The following TLNRD1 variants were observed in gnomAD, a reference collection of about 807,000 sequenced individuals.
TLNRD1 encodes the protein talin rod domain containing 1.
A neutral mutation model predicts 19.5 loss-of-function variants in TLNRD1; 14 were observed. The ratio of observed to expected loss-of-function variants is 0.72; its 90% CI spans 0.47 to 1.12. The LOEUF is 1.12. TLNRD1 is among the 50% of genes most tolerant of loss of function. TLNRD1 has a pLI of 0.00. For synonymous variants in TLNRD1, 345 were observed against 261.7 expected (o/e 1.32, Z -3.07); for missense variants, 569 against 531.9 (o/e 1.07, Z -0.69).
In TLNRD1 at chr15:81,002,365, A is replaced by T. The variant is rs2141826748; in HGVS notation, c.94A>T (p.Arg32Trp). 1.4e-6 allele frequency: 2 copies of T among 1,469,200 alleles called. No homozygotes were observed. The highest frequency in any genetic ancestry group is 1.8e-6 in the Non-Finnish European group (2 of 1,109,202). The allele number at this position is 1,469,200 out of a possible 1,614,324, so 91.0% of individuals were successfully genotyped here. A position where few individuals can be genotyped will look rare whatever the true frequency, so the allele number is the denominator to read the frequency against. ...IGGASSQPRK[R>W]LVSVCDHCKG... is the part of the protein sequence containing the mutation. ...CGGGGCCAGCTCGCAGCCGCGGAAGAGGCTGGTATCCGTCTGCGACCACTG... is the reference window on the plus strand; with the variant it reads ...CGGGGCCAGCTCGCAGCCGCGGAAGTGGCTGGTATCCGTCTGCGACCACTG... The change falls in exon 1 of 1, where the codon AGG becomes TGG. Residue 32 changes from arginine (R) to tryptophan (W), a missense_variant. By Grantham distance (101) the Arg-to-Trp change is moderately radical (BLOSUM62 -3). Coordinates refer to ENST00000267984, the MANE Select transcript of TLNRD1 (RefSeq NM_022566.3).
rs780453448 is a variant in TLNRD1, at chr15:81,004,068, T to C, written c.*708T>C. The C allele has an allele frequency of 1.2e-5, 2 of 167,058 alleles. No homozygotes were observed. The highest frequency in any genetic ancestry group is 6.5e-5 in the Admixed American group (1 of 15,286). The allele number at this position is 167,058 out of a possible 1,614,324, so 10.3% of individuals were successfully genotyped here. On this transcript the variant is annotated 3_prime_UTR_variant, in exon 1 of 1. Transcript: ENST00000267984. ...AATTTTGCATGCTGCATGTCATGTA[T>C]GGGAAGGGTCTGTGGGAAGGCTATT... is the stretch of plus-strand genomic sequence containing the variant.
At position 81,005,040 on chromosome 15, in the gene TLNRD1, C is replaced by T. The variant is rs983431365; in HGVS notation, c.*1680C>T. 2 of 167,002 alleles carry T rather than the reference C, an allele frequency of 1.2e-5. No homozygotes were observed. The highest frequency in any genetic ancestry group is 2.9e-5 in the Non-Finnish European group (2 of 68,102). The allele number at this position is 167,002 out of a possible 1,614,324, so 10.3% of individuals were successfully genotyped here. On this transcript the variant is annotated 3_prime_UTR_variant, in exon 1 of 1. Transcript: ENST00000267984. ...GAAAAAAGTCATATTGACTATTTTA[C>T]TTGTTTGAATCGCTGTTTTTATTAC...
In TLNRD1 at chr15:81,003,389, C is replaced by T. The variant is rs748301050; in HGVS notation, c.*29C>T. The T allele has an allele frequency of 2.6e-6, 4 of 1,553,716 alleles. No individual in the cohort carries two copies. The highest frequency in any genetic ancestry group is 2.6e-6 in the Non-Finnish European group (3 of 1,144,020). On this transcript the variant is annotated 3_prime_UTR_variant, in exon 1 of 1. Transcript: ENST00000267984. Reference sequence around the variant, plus strand: ...CCCACCCCCATACCCCTTCTTCCACCCCCAGACTAAAGGAAGATACTTACT... The same window carrying T: ...CCCACCCCCATACCCCTTCTTCCACTCCCAGACTAAAGGAAGATACTTACT...
rs34030975 is a variant in TLNRD1, at chr15:81,004,559, CTA to C, written c.*1200_*1201del. ...TTTCAGAAAAAATATAGAGAGGGTC[CTA>C]GACTGCTTAATAGAGGAAAGAAGTA... is the stretch of plus-strand genomic sequence containing the variant. On this transcript the variant is annotated 3_prime_UTR_variant, in exon 1 of 1. Transcript: ENST00000267984. 784 of 167,078 alleles carry C rather than the reference CTA, an allele frequency of 4.7e-3. 4 individuals carry two copies. The highest frequency in any genetic ancestry group is 4.8e-3 in the Non-Finnish European group (328 of 68,092). 10.3% of individuals were successfully genotyped at this position (167,078 alleles called of 1,614,324 possible).
rs1893456401 is a variant in TLNRD1 at position 81,003,667 on chromosome 15, T to C, written c.*307T>C. ...CCGGAATTTCTCAACTAAATTTCAT[T>C]ATTGGGCAGGAAGGAGGTCATGGGT... On this transcript the variant is annotated 3_prime_UTR_variant, in exon 1 of 1. Coordinates refer to ENST00000267984, the MANE Select transcript of TLNRD1 (RefSeq NM_022566.3). 3.2e-6 allele frequency: 1 copy of C among 310,592 alleles called. No homozygotes were observed. Among genetic ancestry groups the C allele is most frequent in the African/African-American group, 2.2e-5 (1 of 46,290 alleles). 19.2% of individuals were successfully genotyped at this position (310,592 alleles called of 1,614,324 possible). A position where few individuals can be genotyped will look rare whatever the true frequency, so the allele number is the denominator to read the frequency against.
In TLNRD1 at chr15:81,003,977, C is replaced by T. The variant is rs1893460974; in HGVS notation, c.*617C>T. Reference sequence around the variant, plus strand: ...CTTGCATGTACTGGAGTATTTATTTCATCTATTAAAATGTTATGTTTCTCA... The same window carrying T: ...CTTGCATGTACTGGAGTATTTATTTTATCTATTAAAATGTTATGTTTCTCA... On this transcript the variant is annotated 3_prime_UTR_variant, in exon 1 of 1. Transcript: ENST00000267984. 1 of 166,386 alleles carries T rather than the reference C, an allele frequency of 6.0e-6. No homozygotes were observed. The highest frequency in any genetic ancestry group is 1.5e-5 in the Non-Finnish European group (1 of 68,036). 10.3% of individuals were successfully genotyped at this position (166,386 alleles called of 1,614,324 possible).
chr15:81,003,102 G>A lies in TLNRD1; in HGVS notation c.831G>A (p.Val277=). ...AGTTCCTGGGTCGCGCGGCAGCTGTGAGCGCCGAGGGCAAGGCGGTGCAGA... is the reference window on the plus strand; with the variant it reads ...AGTTCCTGGGTCGCGCGGCAGCTGTAAGCGCCGAGGGCAAGGCGGTGCAGA... The part of the protein sequence containing the change: ...EPQFLGRAAA[V]SAEGKAVQTA... The change falls in exon 1 of 1, where the codon GTG becomes GTA. Residue 277 remains valine, a synonymous_variant. Coordinates refer to ENST00000267984, the MANE Select transcript of TLNRD1 (RefSeq NM_022566.3). 2 of 1,556,636 alleles carry A rather than the reference G, an allele frequency of 1.3e-6. No homozygotes were observed. The highest frequency in any genetic ancestry group is 1.7e-6 in the Non-Finnish European group (2 of 1,154,490).
Position 81,002,700 on chromosome 15 carries a change from G to A in TLNRD1, c.429G>A (p.Ala143=). The A allele has an allele frequency of 1.3e-6, 2 of 1,500,200 alleles. No homozygotes were observed. Among genetic ancestry groups the A allele is most frequent in the Non-Finnish European group, 1.8e-6 (2 of 1,133,626 alleles). 92.9% of individuals were successfully genotyped at this position (1,500,200 alleles called of 1,614,324 possible). The change falls in exon 1 of 1, where the codon GCG becomes GCA. Residue 143 remains alanine, a synonymous_variant. Coordinates refer to ENST00000267984, the MANE Select transcript of TLNRD1 (RefSeq NM_022566.3). ...TGGCCACGCCGGGCGCCCAGCCCGCGCAGCCGGGCCTGGTGGACCGCTACC... is the reference window on the plus strand; with the variant it reads ...TGGCCACGCCGGGCGCCCAGCCCGCACAGCCGGGCCTGGTGGACCGCTACC... ...AAVATPGAQP[A]QPGLVDRYRV...
chr15:81,002,905 G>A lies in TLNRD1; in HGVS notation c.634G>A (p.Glu212Lys). The change falls in exon 1 of 1, where the codon GAG becomes AAG. Residue 212 changes from glutamate to lysine, a missense_variant. Physicochemically the swap from Glu to Lys is moderately conservative, Grantham distance 56. Transcript: ENST00000267984. Reference sequence around the variant, plus strand: ...CAAGTCACGGGACCGCTTTTCGCGGGAGCAGTTCAAGCTGGGCGTCAAGTG... The same window carrying A: ...CAAGTCACGGGACCGCTTTTCGCGGAAGCAGTTCAAGCTGGGCGTCAAGTG... ...SDKSRDRFSREQFKLGVKCMS... is the reference protein window; with the variant it reads ...SDKSRDRFSRKQFKLGVKCMS... 6.3e-7 allele frequency: 1 copy of A among 1,597,464 alleles called. No individual in the cohort carries two copies. Among genetic ancestry groups the A allele is most frequent in the Non-Finnish European group, 8.5e-7 (1 of 1,178,880 alleles).
chr15:81,002,599 G>A lies in TLNRD1; in HGVS notation c.328G>A (p.Asp110Asn). The change falls in exon 1 of 1, where the codon GAC becomes AAC. Residue 110 changes from aspartate (D) to asparagine (N), a missense_variant. Asp to Asn is a conservative substitution (Grantham distance 23). Transcript: ENST00000267984. Reference sequence around the variant, plus strand: ...CATGGGCCGCTTCGGGGAGGCGGGGGACAGCCTGGTGGAGCTGGGCGACCT... The same window carrying A: ...CATGGGCCGCTTCGGGGAGGCGGGGAACAGCCTGGTGGAGCTGGGCGACCT... ...LNMGRFGEAG[D>N]SLVELGDLVV... 1 of 1,477,640 alleles carries A rather than the reference G, an allele frequency of 6.8e-7. No homozygotes were observed. Among genetic ancestry groups the A allele is most frequent in the East Asian group, 2.6e-5 (1 of 39,052 alleles). 91.5% of individuals were successfully genotyped at this position (1,477,640 alleles called of 1,614,324 possible).
chr15:81,004,301 A>T lies in TLNRD1; in HGVS notation c.*941A>T, dbSNP rs1456951565. On this transcript the variant is annotated 3_prime_UTR_variant, in exon 1 of 1. Coordinates refer to ENST00000267984, the MANE Select transcript of TLNRD1 (RefSeq NM_022566.3). ...TTTGTCTCATTTTTCCTGGAAAGTG[A>T]TTTAGCTCCCTTTGTCTCCACTTAC... 1 of 167,066 alleles carries T rather than the reference A, an allele frequency of 6.0e-6. No individual in the cohort carries two copies. The highest frequency in any genetic ancestry group is 1.5e-5 in the Non-Finnish European group (1 of 68,110). The allele number at this position is 167,066 out of a possible 1,614,324, so 10.3% of individuals were successfully genotyped here.
At position 81,003,190 on chromosome 15, in the gene TLNRD1, A is replaced by T; in HGVS notation, c.919A>T (p.Arg307Trp). 1 of 1,590,090 alleles carries T rather than the reference A, an allele frequency of 6.3e-7. No homozygotes were observed. Among genetic ancestry groups the T allele is most frequent in the Non-Finnish European group, 8.6e-7 (1 of 1,168,670 alleles). ...SACVLLTQCL[R>W]DLAQHPDGGA... The stretch of plus-strand genomic sequence containing the variant: ...CTGCGTGCTCCTGACCCAGTGCCTC[A>T]GGGATCTGGCGCAGCACCCCGACGG... The change falls in exon 1 of 1, where the codon AGG becomes TGG. Residue 307 changes from arginine to tryptophan, a missense_variant. Arg to Trp is a moderately radical substitution (Grantham distance 101). Transcript: ENST00000267984.
rs1360309772 is a variant in TLNRD1, at chr15:81,003,820, G to A, written c.*460G>A. 6.0e-6 allele frequency: 1 copy of A among 167,644 alleles called. No homozygotes were observed. The highest frequency in any genetic ancestry group is 1.4e-5 in the Non-Finnish European group (1 of 69,324). The allele number at this position is 167,644 out of a possible 1,614,324, so 10.4% of individuals were successfully genotyped here. On this transcript the variant is annotated 3_prime_UTR_variant, in exon 1 of 1. Coordinates refer to ENST00000267984, the MANE Select transcript of TLNRD1 (RefSeq NM_022566.3). ...TTTTTTAAGCAATCGTGTTGAATTA[G>A]GAGTATACTTGGTGTGGAAAGAGTA...
rs2141827030 is a variant in TLNRD1 at position 81,002,726 on chromosome 15, G to A, written c.455G>A (p.Arg152His). 6.5e-7 allele frequency: 1 copy of A among 1,534,052 alleles called. No homozygotes were observed. Among genetic ancestry groups the A allele is most frequent in the South Asian group, 1.2e-5 (1 of 84,452 alleles). The change falls in exon 1 of 1, where the codon CGC (arginine) becomes CAC (histidine). Residue 152 changes from arginine to histidine, a missense_variant. Coordinates refer to ENST00000267984, the MANE Select transcript of TLNRD1 (RefSeq NM_022566.3). ...CAGCCGGGCCTGGTGGACCGCTACC[G>A]CGTGACGCGATGCCGCCACGAGGTG... ...PAQPGLVDRY[R>H]VTRCRHEVEQ...
In TLNRD1 at chr15:81,003,162, G is replaced by A. The variant is rs369462609; in HGVS notation, c.891G>A (p.Ser297=). 8 of 1,573,334 alleles carry A rather than the reference G, an allele frequency of 5.1e-6. No individual in the cohort carries two copies. The highest frequency in any genetic ancestry group is 2.3e-5 in the South Asian group (2 of 86,490). The change falls in exon 1 of 1, where the codon TCG becomes TCA. Residue 297 remains serine (S), a synonymous_variant. Coordinates refer to ENST00000267984, the MANE Select transcript of TLNRD1 (RefSeq NM_022566.3). Reference sequence around the variant, plus strand: ...TGGGCGGCGCCATGAGCGTGGTGTCGGCCTGCGTGCTCCTGACCCAGTGCC... The same window carrying A: ...TGGGCGGCGCCATGAGCGTGGTGTCAGCCTGCGTGCTCCTGACCCAGTGCC... ...AILGGAMSVV[S]ACVLLTQCLR... is the part of the protein sequence containing the mutation.
Position 81,003,849 on chromosome 15 carries a change from A to G in TLNRD1, c.*489A>G, listed in dbSNP as rs1893459146. On this transcript the variant is annotated 3_prime_UTR_variant, in exon 1 of 1. Transcript: ENST00000267984. ...TATACTTGGTGTGGAAAGAGTATGA[A>G]TTTGCCATGTGATTTGCAAATGGGG... The G allele has an allele frequency of 6.0e-6, 1 of 166,262 alleles. No individual in the cohort carries two copies. The highest frequency in any genetic ancestry group is 2.4e-5 in the African/African-American group (1 of 41,042). The allele number at this position is 166,262 out of a possible 1,614,324, so 10.3% of individuals were successfully genotyped here.
At position 81,003,104 on chromosome 15, in the gene TLNRD1, G is replaced by T. The variant is rs1466964034; in HGVS notation, c.833G>T (p.Ser278Ile). The T allele has an allele frequency of 6.4e-7, 1 of 1,556,958 alleles. No homozygotes were observed. Reference protein sequence around the residue: ...PQFLGRAAAVSAEGKAVQTAI... With the variant: ...PQFLGRAAAVIAEGKAVQTAI... ...TTCCTGGGTCGCGCGGCAGCTGTGA[G>T]CGCCGAGGGCAAGGCGGTGCAGACC... is the stretch of plus-strand genomic sequence containing the variant. Residue 278 changes from serine (S) to isoleucine (I), a missense_variant, in exon 1 of 1, where the codon AGC becomes ATC. Transcript: ENST00000267984.
rs1470658661 is a variant in TLNRD1, at chr15:81,003,475, G to A, written c.*115G>A. 6.1e-5 allele frequency: 71 copies of A among 1,171,868 alleles called. 1 individual carries two copies. Among genetic ancestry groups the A allele is most frequent in the Middle Eastern group, 4.8e-4 (2 of 4,196 alleles). 72.6% of individuals were successfully genotyped at this position (1,171,868 alleles called of 1,614,324 possible). A position where few individuals can be genotyped will look rare whatever the true frequency, so the allele number is the denominator to read the frequency against. On this transcript the variant is annotated 3_prime_UTR_variant, in exon 1 of 1. Coordinates refer to ENST00000267984, the MANE Select transcript of TLNRD1 (RefSeq NM_022566.3). The stretch of plus-strand genomic sequence containing the variant: ...GGTGAAACCCCCTACCCTCCCCAAC[G>A]TTAAATGCTCGAGAGGAATCTTCCA...
chr15:81,004,051 A>T lies in TLNRD1; in HGVS notation c.*691A>T, dbSNP rs568722059. 3.0e-5 allele frequency: 5 copies of T among 167,074 alleles called. No individual in the cohort carries two copies. Among genetic ancestry groups the T allele is most frequent in the African/African-American group, 1.2e-4 (5 of 41,494 alleles). 10.3% of individuals were successfully genotyped at this position (167,074 alleles called of 1,614,324 possible). A position where few individuals can be genotyped will look rare whatever the true frequency, so the allele number is the denominator to read the frequency against. ...GATTTTTCAATAATTGTAATTTTGC[A>T]TGCTGCATGTCATGTATGGGAAGGG... On this transcript the variant is annotated 3_prime_UTR_variant, in exon 1 of 1. Coordinates refer to ENST00000267984, the MANE Select transcript of TLNRD1 (RefSeq NM_022566.3).
Sources: gnomAD v4.1 joint callset for allele counts on GRCh38, gnomAD v4.1.1 for gene constraint, MANE v1.5 for transcripts, NCBI Gene and HGNC (gene_info 2026-07-23, HGNC 2026-07-21) for gene names.